The following SLC9A1 variants were observed in gnomAD, a reference collection of about 807,000 sequenced individuals.
The protein encoded by SLC9A1 is solute carrier family 9 member A1, also known as sodium/hydrogen exchanger 1.
Under a neutral mutation model 67.9 loss-of-function variants are expected in SLC9A1, and 22 were observed. The ratio of observed to expected loss-of-function variants is 0.32; its 90% CI spans 0.23 to 0.46. The LOEUF (loss-of-function observed/expected upper bound fraction) is 0.46, where lower values mean the gene tolerates loss of function less well. Ranked by LOEUF, SLC9A1 falls within the 20% of genes least tolerant of loss-of-function variation. The probability of loss-of-function intolerance (pLI) is 1.00; values close to 1 mark genes in which losing one functional copy is unlikely to be tolerated. For missense variants in SLC9A1, 686 were observed against 1,094.8 expected (o/e 0.63, Z 5.27); for synonymous variants, 421 against 471.8 (o/e 0.89, Z 1.40).
intron 1 of SLC9A1, among the ~76,000 whole-genome samples, chr1:27,123,280 C>A (rs1169604280): frequency 6.6e-6 from 1 of 152,044 alleles, no homozygotes; most frequent in Non-Finnish European, 1.5e-5. Context: ...ACCAACTATA[C>A]CAGTCTCCCC....
chr1:27,124,917 C>T (rs535659331), intron 1 of SLC9A1, among the ~76,000 whole-genome samples: 8 of 152,176 alleles, frequency 5.3e-5, no homozygotes, highest in Middle Eastern at 6.8e-3. Context: ...TGGTGTGTTA[C>T]GGTGTGCATG....
At chr1:27,115,287 C>T (rs771634559) in intron 1 of SLC9A1, among the ~76,000 whole-genome samples, 2 of 152,156 alleles carry the variant, frequency 1.3e-5, no homozygotes, top group African/African-American at 4.8e-5. Context: ...TGCTGTAGTC[C>T]ACCTTAAGGC....
chr1:27,122,918 G>A (rs895422508), intron 1 of SLC9A1, among the ~76,000 whole-genome samples: 1 of 151,994 alleles, frequency 6.6e-6, no homozygotes, highest in Non-Finnish European at 1.5e-5. Flanking sequence ...ACAAGAGGCA[G>A]AGCTCCAACA....
intron 1 of SLC9A1, among the ~76,000 whole-genome samples, chr1:27,131,938 G>GAAAAAAAAAAA (rs1351315440): frequency 2.4e-3 from 84 of 35,006 alleles, no homozygotes; most frequent in Non-Finnish European, 3.3e-3. Context: ...AGAAGAAGAA[G>GAAAAAAAAAAA]AAAAAAAAAA....
At position 27,153,976 on chromosome 1, in the gene SLC9A1, G is replaced by T; in HGVS notation, c.352+7C>A. 6.5e-7 allele frequency: 1 copy of T among 1,539,182 alleles called. No individual in the cohort carries two copies. The highest frequency in any genetic ancestry group is 8.8e-7 in the Non-Finnish European group (1 of 1,134,910). ...GCGGCCGCAGCATCGGAGCAAACGG[G>T]ACTTACCTATCTTCATGAGGCAGGC... On this transcript the variant is annotated splice_region_variant and intron_variant, in intron 1 of 11. Coordinates refer to ENST00000263980, the MANE Select transcript of SLC9A1 (RefSeq NM_003047.5).
intron 1 of SLC9A1, among the ~76,000 whole-genome samples, chr1:27,115,749 AAAG>A (rs1462471632): frequency 1.3e-5 from 2 of 151,840 alleles, no homozygotes; most frequent in Non-Finnish European, 2.9e-5. Flanking sequence ...AAAAAAAAAG[AAAG>A]AAGAAAGCAA....
Position 27,114,236 on chromosome 1 carries a change from G to A in SLC9A1, c.403C>T (p.Leu135=). 6.2e-7 allele frequency: 1 copy of A among 1,613,952 alleles called. No homozygotes were observed. Among genetic ancestry groups the A allele is most frequent in the Non-Finnish European group, 8.5e-7 (1 of 1,179,840 alleles). Residue 135 remains leucine, a synonymous_variant, in exon 2 of 12, where the codon CTG becomes TTG. Coordinates refer to ENST00000263980, the MANE Select transcript of SLC9A1 (RefSeq NM_003047.5). This position sits in a 1 kb window ranked among gnomAD's most constrained non-coding sequence, Gnocchi z 5.4. ...CCCACCAGCAGCCCCACCACGATCA[G>A]CAGGCAGCTCTCCGGGACGATGCTT... ...ISSIVPESCL[L]IVVGLLVGGL...
At chr1:27,135,106 G>A (rs925399145) in intron 1 of SLC9A1, among the ~76,000 whole-genome samples, 1 of 151,386 alleles carries the variant, frequency 6.6e-6, no homozygotes, top group African/African-American at 2.4e-5. Context: ...CTGGAGTGCA[G>A]TGGCACAATC....
chr1:27,151,113 C>A (rs758660319), intron 1 of SLC9A1, among the ~76,000 whole-genome samples: 8 of 152,156 alleles, frequency 5.3e-5, no homozygotes, highest in Non-Finnish European at 1.0e-4. Context: ...CACATGGAAA[C>A]CCTGATACCC....
rs752115649 is a variant in SLC9A1, at chr1:27,153,964, C to A, written c.352+19G>T. ...ACCAGTCTGGTGGCGGCCGCAGCAT[C>A]GGAGCAAACGGGACTTACCTATCTT... On this transcript the variant is annotated intron_variant, in intron 1 of 11. Transcript: ENST00000263980. 6.7e-7 allele frequency: 1 copy of A among 1,497,656 alleles called. No homozygotes were observed. The highest frequency in any genetic ancestry group is 2.3e-5 in the East Asian group (1 of 43,568). 92.8% of individuals were successfully genotyped at this position (1,497,656 alleles called of 1,614,324 possible).
rs2124225757 is a variant in SLC9A1, at chr1:27,154,813, GGA to G, written c.-481_-480del. ...GGGGGTGAGAGCCAGTCCAGGAAAA[GGA>G]GAGAGGGGGCTGGGAGCCCAGGCTG... is the stretch of plus-strand genomic sequence containing the variant. On this transcript the variant is annotated 5_prime_UTR_variant, in exon 1 of 12. Transcript: ENST00000263980. 6.5e-6 allele frequency: 1 copy of G among 153,894 alleles called. No homozygotes were observed. Among genetic ancestry groups the G allele is most frequent in the Non-Finnish European group, 1.4e-5 (1 of 69,196 alleles). 9.5% of individuals were successfully genotyped at this position (153,894 alleles called of 1,614,324 possible).
Position 27,100,752 on chromosome 1 carries a change from C to G in SLC9A1, c.2111-108G>C, listed in dbSNP as rs910522190. ...CTTCAGGCCTTCTCATGAGCACAGC[C>G]GTCCCGGTCCCAACAGGCCTCAGAA... On this transcript the variant is annotated intron_variant, in intron 11 of 11. Coordinates refer to ENST00000263980, the MANE Select transcript of SLC9A1 (RefSeq NM_003047.5). The surrounding 1 kb of genome is among the most constrained non-coding windows in gnomAD (Gnocchi z 5.6). 9 of 866,418 alleles carry G rather than the reference C, an allele frequency of 1.0e-5. No individual in the cohort carries two copies. The African/African-American group carries it at 1.5e-4, about 15-fold the overall frequency. The allele number at this position is 866,418 out of a possible 1,614,324, so 53.7% of individuals were successfully genotyped here. A position where few individuals can be genotyped will look rare whatever the true frequency, so the allele number is the denominator to read the frequency against.
chr1:27,105,449 A>G, intron 5 of SLC9A1: 1 of 447,124 alleles, frequency 2.2e-6, no homozygotes, highest in Non-Finnish European at 4.1e-6. Context: ...ACAGGTATGC[A>G]TCACCATGCC....
intron 1 of SLC9A1, among the ~76,000 whole-genome samples, chr1:27,136,378 C>T (rs2083420557): frequency 6.6e-6 from 1 of 152,212 alleles, no homozygotes; most frequent in African/African-American, 2.4e-5. Context: ...CTAGCCCTGG[C>T]CCACAATAAG....
intron 2 of SLC9A1, among the ~76,000 whole-genome samples, chr1:27,111,833 G>A (rs1570854041): frequency 6.6e-6 from 1 of 152,022 alleles, no homozygotes; most frequent in Non-Finnish European, 1.5e-5. Context: ...ATAAAAATGA[G>A]GCAATACACA....
chr1:27,119,416 G>A (rs983970952), intron 1 of SLC9A1, among the ~76,000 whole-genome samples: 47 of 152,290 alleles, frequency 3.1e-4, no homozygotes, highest in African/African-American at 1.1e-3. Flanking sequence ...CCAGGCCTGA[G>A]GACTGCTCTG....
At chr1:27,108,601 A>C (rs2083206257) in intron 3 of SLC9A1, among the ~76,000 whole-genome samples, 1 of 152,086 alleles carries the variant, frequency 6.6e-6, no homozygotes, top group Non-Finnish European at 1.5e-5. Context: ...TCTCGAACTC[A>C]GAGGCTGCAA....
chr1:27,146,857 C>T (rs1374876112), intron 1 of SLC9A1, among the ~76,000 whole-genome samples: 1 of 152,176 alleles, frequency 6.6e-6, no homozygotes, highest in East Asian at 1.9e-4. Context: ...AATTACCGGA[C>T]GGGTGCAGTG....
intron 1 of SLC9A1, among the ~76,000 whole-genome samples, chr1:27,142,674 G>T (rs187620245): frequency 2.3e-4 from 35 of 152,200 alleles, no homozygotes; most frequent in Admixed American, 2.3e-3. Context: ...TGTGAGCTGG[G>T]CTCACCATGG....
Sources: allele counts gnomAD v4.1 joint callset (sites outside exome capture counted in the v4.1 genomes callset), GRCh38; gene constraint gnomAD v4.1.1; non-coding constraint Gnocchi (gnomAD v3.1); transcripts MANE v1.5; gene names NCBI Gene and HGNC (gene_info 2026-07-23, HGNC 2026-07-21).